The following TCF4 variants were observed in gnomAD, a reference collection of about 807,000 sequenced individuals.
TCF4 encodes the protein SL3-3 enhancer factor 2.
In TCF4, 3 loss-of-function variants were observed where a neutral mutation model predicts 82.1. That is an observed-to-expected ratio of 0.04 (90% confidence interval 0.02 to 0.09). The LOEUF (loss-of-function observed/expected upper bound fraction) is 0.09. Among genes scored for constraint, TCF4 ranks in the 10% least tolerant of loss-of-function variants. The probability of loss-of-function intolerance (pLI) is 1.00; values close to 1 mark genes in which losing one functional copy is unlikely to be tolerated. For synonymous variants in TCF4, 276 were observed against 309.6 expected (o/e 0.89, Z 1.14); for missense variants, 518 against 852.7 (o/e 0.61, Z 4.89).
At chr18:55,621,509 A>AT (rs1278904975) in intron 2 of TCF4, among the ~76,000 whole-genome samples, 14 of 112 alleles carry the variant, frequency 0.12, 1 homozygote, top group South Asian at 0.33. Context: ...TACATTATAT[A>AT]TATATTATAT....
At chr18:55,482,932 C>T (rs566548746) in intron 3 of TCF4, 2 of 152,322 alleles carry the variant, frequency 1.3e-5, no homozygotes, top group East Asian at 3.9e-4. Context: ...CAATAAATGT[C>T]CTCCTCAATC....
At chr18:55,484,587 G>T (rs1465941747) in intron 3 of TCF4, among the ~76,000 whole-genome samples, 1 of 152,210 alleles carries the variant, frequency 6.6e-6, no homozygotes, top group Non-Finnish European at 1.5e-5. Flanking sequence ...GCATGGCAGT[G>T]GGGCCCATAA....
intron 8 of TCF4, among the ~76,000 whole-genome samples, chr18:55,320,203 AG>A (rs2075150977): frequency 6.6e-6 from 1 of 152,006 alleles, no homozygotes; most frequent in African/African-American, 2.4e-5. Flanking sequence ...AAAAAAAAAA[AG>A]ATGTTACATA....
chr18:55,530,530 G>A (rs949473505), intron 3 of TCF4, among the ~76,000 whole-genome samples: 1 of 145,790 alleles, frequency 6.9e-6, no homozygotes, highest in African/African-American at 2.6e-5. Flanking sequence ...CATTATGCGG[G>A]GGCTCTGAAG....
At chr18:55,408,690 A>G (rs2094207728) in intron 5 of TCF4, among the ~76,000 whole-genome samples, 1 of 152,182 alleles carries the variant, frequency 6.6e-6, no homozygotes. Flanking sequence ...CAGATGAGGA[A>G]ACTGAGATCT....
At chr18:55,443,148 C>CA (rs1400248072) in intron 5 of TCF4, among the ~76,000 whole-genome samples, 1 of 152,194 alleles carries the variant, frequency 6.6e-6, no homozygotes, top group Non-Finnish European at 1.5e-5. Context: ...TATGGGGTCC[C>CA]ATTGCTTGGT....
Position 55,368,203 on chromosome 18 carries a change from T to C in TCF4, c.370-17200A>G, listed in dbSNP as rs112239104. On this transcript the variant is annotated intron_variant, in intron 6 of 19. Transcript: ENST00000354452. ...GAATTCGAGACCAGCCTGGCCAACA[T>C]GGAGAAACCCCGACTCTACTAAAAA... 8.5e-3 allele frequency among the ~76,000 whole-genome samples: 1,301 copies of C among 152,210 alleles called. 23 individuals carry two copies. Among genetic ancestry groups the C allele is most frequent in the African/African-American group, 0.029 (1,212 of 41,530 alleles).
At chr18:55,271,365 C>CT (rs1303261809) in intron 10 of TCF4, among the ~76,000 whole-genome samples, 4 of 152,140 alleles carry the variant, frequency 2.6e-5, no homozygotes, top group African/African-American at 9.7e-5. Flanking sequence ...TGGCTAACTA[C>CT]TGAACACATA....
At chr18:55,434,326 C>T (rs1308119071) in intron 5 of TCF4, among the ~76,000 whole-genome samples, 2 of 151,292 alleles carry the variant, frequency 1.3e-5, no homozygotes, top group East Asian at 3.9e-4. Flanking sequence ...ATGATAAAAT[C>T]TTGAGATGTT....
At chr18:55,252,179 GGA>G (rs748113997) in intron 15 of TCF4, among the ~76,000 whole-genome samples, 12 of 152,116 alleles carry the variant, frequency 7.9e-5, no homozygotes, top group Non-Finnish European at 1.3e-4. Context: ...CAGGAAGAAA[GGA>G]GAGAGACTGC....
intron 8 of TCF4, among the ~76,000 whole-genome samples, chr18:55,294,652 G>A (rs542783059): frequency 2.6e-5 from 4 of 152,314 alleles, no homozygotes; most frequent in East Asian, 3.9e-4. Context: ...AAGGTATCAC[G>A]CTGCAATTCC....
At chr18:55,376,112 C>T (rs1248156987) in intron 6 of TCF4, among the ~76,000 whole-genome samples, 1 of 151,254 alleles carries the variant, frequency 6.6e-6, no homozygotes, top group Non-Finnish European at 1.5e-5. Context: ...ACCTCCACCC[C>T]CAGGGCTCAA....
chr18:55,488,006 T>C (rs2096535380), intron 3 of TCF4, among the ~76,000 whole-genome samples: 1 of 152,260 alleles, frequency 6.6e-6, no homozygotes, highest in Middle Eastern at 3.2e-3. Context: ...ATTTATTTTA[T>C]GTATGATTTT....
At chr18:55,606,442 A>G (rs927306703) in intron 2 of TCF4, among the ~76,000 whole-genome samples, 1 of 152,204 alleles carries the variant, frequency 6.6e-6, no homozygotes. Context: ...CCATAACTCA[A>G]AGACATAATT....
At chr18:55,562,137 C>T (rs1024497589) in intron 3 of TCF4, among the ~76,000 whole-genome samples, 2 of 152,126 alleles carry the variant, frequency 1.3e-5, no homozygotes, top group Non-Finnish European at 2.9e-5. Context: ...TGGCTTCATG[C>T]TACAACAGCA....
At chr18:55,586,085 C>T in intron 2 of TCF4, 1 of 1,422,464 alleles carries the variant, frequency 7.0e-7, no homozygotes, top group Non-Finnish European at 9.3e-7. Context: ...GCAAAACTTC[C>T]GAAAGCCATT....
intron 8 of TCF4, among the ~76,000 whole-genome samples, chr18:55,288,585 T>C (rs1274495217): frequency 6.6e-6 from 1 of 152,186 alleles, no homozygotes; most frequent in African/African-American, 2.4e-5. Context: ...AACCCAGCTT[T>C]GTAGAGTCCT....
At chr18:55,486,181 A>C (rs1451078383) in intron 3 of TCF4, among the ~76,000 whole-genome samples, 2 of 152,248 alleles carry the variant, frequency 1.3e-5, no homozygotes, top group Non-Finnish European at 2.9e-5. Context: ...TAACTAATAC[A>C]GGGAAAAAGT....
chr18:55,469,731 C>T (rs1210400329), intron 3 of TCF4: 1 of 152,176 alleles, frequency 6.6e-6, no homozygotes, highest in African/African-American at 2.4e-5. Flanking sequence ...AGCTGGATTT[C>T]AGCAGGGACT....
Sources: gnomAD v4.1 joint callset for allele counts (sites outside exome capture counted in the v4.1 genomes callset) on GRCh38, gnomAD v4.1.1 for gene constraint, MANE v1.5 for transcripts, NCBI Gene and HGNC (gene_info 2026-07-23, HGNC 2026-07-21) for gene names.